Variants in CYYR1 observed in about 807,000 individuals in gnomAD.
CYYR1 encodes cysteine and tyrosine rich 1.
CYYR1 carries 14 observed loss-of-function variants against 15.2 expected under a neutral mutation model. The observed-to-expected ratio is 0.92, with a 90% CI of 0.61 to 1.44. CYYR1 has a LOEUF of 1.44. Among genes scored for constraint, CYYR1 ranks in the 40% most tolerant of loss-of-function variants. The pLI, the probability that CYYR1 is intolerant of heterozygous loss-of-function variation, is 0.00. For missense variants in CYYR1, 228 were observed against 209.5 expected, an observed-to-expected ratio of 1.09 and a Z score of -0.54; for synonymous variants, 80 against 77.4, an observed-to-expected ratio of 1.03 and a Z score of -0.18.
intron 2 of CYYR1, among the ~76,000 whole-genome samples, chr21:26,555,043 C>T (rs1041621312): frequency 4.4e-4 from 67 of 152,246 alleles, no homozygotes; most frequent in African/African-American, 1.3e-3. Flanking sequence ...AACTGAGGCT[C>T]GGTGATATTA....
At chr21:26,478,221 TA>T (rs2065128034) in intron 3 of CYYR1, 2 of 1,503,906 alleles carry the variant, frequency 1.3e-6, no homozygotes, top group Non-Finnish European at 1.8e-6. Context: ...GCACTCTGGA[TA>T]AAAAGCAGAG....
Position 26,531,304 on chromosome 21 carries a change from C to T in CYYR1, c.176+34962G>A, listed in dbSNP as rs139821058. Among the ~76,000 whole-genome samples the T allele has an allele frequency of 1.1e-3, 168 of 152,164 alleles. 1 individual carries two copies. Among genetic ancestry groups the T allele is most frequent in the African/African-American group, 3.6e-3 (148 of 41,520 alleles). The stretch of plus-strand genomic sequence containing the variant: ...TCCTTGACAACCGTTCTTCTCATCC[C>T]GCGGCTGAAATTCCCATAAAAATAA... On this transcript the variant is annotated intron_variant, in intron 2 of 3. Transcript: ENST00000652641.
At chr21:26,497,048 G>T (rs2065414352) in intron 2 of CYYR1, among the ~76,000 whole-genome samples, 1 of 152,022 alleles carries the variant, frequency 6.6e-6, no homozygotes, top group South Asian at 2.1e-4. Context: ...ATTTAAAAAG[G>T]TTACCAAACA....
At chr21:26,511,036 A>C (rs774566461) in intron 2 of CYYR1, among the ~76,000 whole-genome samples, 1 of 152,340 alleles carries the variant, frequency 6.6e-6, no homozygotes, top group Non-Finnish European at 1.5e-5. Context: ...TGCCAAATGA[A>C]CACATTATCC....
At chr21:26,527,707 T>G (rs2065884687) in intron 2 of CYYR1, among the ~76,000 whole-genome samples, 1 of 152,202 alleles carries the variant, frequency 6.6e-6, no homozygotes, top group Non-Finnish European at 1.5e-5. Context: ...TGCTATTGTA[T>G]AAAGAGTACT....
In CYYR1 at chr21:26,486,543, C is replaced by G. The variant is rs114958474; in HGVS notation, c.177-6114G>C. 5.5e-3 allele frequency among the ~76,000 whole-genome samples: 841 copies of G among 152,186 alleles called. 9 individuals carry two copies. The highest frequency in any genetic ancestry group is 0.024 in the Middle Eastern group (7 of 294). On this transcript the variant is annotated intron_variant, in intron 2 of 3. Coordinates refer to ENST00000652641, the MANE Select transcript of CYYR1 (RefSeq NM_001320768.2). Reference sequence around the variant, plus strand: ...TTTATTAAAAGCATTCCTCATCCCCCCATCGCATTGCTTTTGCACCTTTGT... The same window carrying G: ...TTTATTAAAAGCATTCCTCATCCCCGCATCGCATTGCTTTTGCACCTTTGT...
chr21:26,554,605 T>G (rs1401528368), intron 2 of CYYR1, among the ~76,000 whole-genome samples: 4 of 152,018 alleles, frequency 2.6e-5, no homozygotes, highest in Non-Finnish European at 5.9e-5. Context: ...CCGAGAGTGC[T>G]CTCCTGGGGA....
At chr21:26,469,362 G>C (rs765496200) in intron 3 of CYYR1, among the ~76,000 whole-genome samples, 6 of 152,080 alleles carry the variant, frequency 3.9e-5, no homozygotes, top group Non-Finnish European at 8.8e-5. Context: ...GACAAAAAAG[G>C]AGGACAAGTA....
chr21:26,569,647 G>A (rs1980885216), intron 1 of CYYR1, among the ~76,000 whole-genome samples: 1 of 152,206 alleles, frequency 6.6e-6, no homozygotes, highest in Admixed American at 6.5e-5. Context: ...GATTGTGAGA[G>A]AGCTAATGTC....
chr21:26,539,238 T>C (rs1176548256), intron 2 of CYYR1, among the ~76,000 whole-genome samples: 1 of 152,144 alleles, frequency 6.6e-6, no homozygotes, highest in Non-Finnish European at 1.5e-5. Context: ...TCTGGGTGAA[T>C]GGATTTTTCT....
chr21:26,538,257 A>G (rs222946), intron 2 of CYYR1, among the ~76,000 whole-genome samples: 2,274 of 152,318 alleles, frequency 0.015, 34 homozygotes, highest in South Asian at 0.087. Flanking sequence ...AGTATTTACT[A>G]AGAGGTGGTA....
intron 2 of CYYR1, among the ~76,000 whole-genome samples, chr21:26,543,489 T>C (rs1978719873): frequency 6.6e-6 from 1 of 152,214 alleles, no homozygotes; most frequent in African/African-American, 2.4e-5. Context: ...CACCCACATG[T>C]CAGGGGCCTG....
chr21:26,480,266 G>A lies in CYYR1; in HGVS notation c.334+6C>T. The A allele has an allele frequency of 1.2e-6, 2 of 1,602,894 alleles. No homozygotes were observed. Among genetic ancestry groups the A allele is most frequent in the South Asian group, 1.1e-5 (1 of 89,022 alleles). ...TGAGCCTTCGAGAGTCAACAGTTTT[G>A]CTCACCAGGATAGGAGGAGACGGTG... On this transcript the variant is annotated splice_donor_region_variant and intron_variant, in intron 3 of 3. Coordinates refer to ENST00000652641, the MANE Select transcript of CYYR1 (RefSeq NM_001320768.2).
chr21:26,489,984 C>T (rs1336699066), intron 2 of CYYR1, among the ~76,000 whole-genome samples: 2 of 152,022 alleles, frequency 1.3e-5, no homozygotes, highest in Non-Finnish European at 2.9e-5. Flanking sequence ...CACTAGATAG[C>T]GACATTCACG....
At chr21:26,475,549 C>T in intron 3 of CYYR1, among the ~76,000 whole-genome samples, 1 of 152,028 alleles carries the variant, frequency 6.6e-6, no homozygotes, top group East Asian at 1.9e-4. Context: ...TTATGTTTAC[C>T]ATCAGTGTAC....
At chr21:26,544,122 T>C (rs938474976) in intron 2 of CYYR1, among the ~76,000 whole-genome samples, 1 of 152,158 alleles carries the variant, frequency 6.6e-6, no homozygotes, top group Non-Finnish European at 1.5e-5. Flanking sequence ...AGAATTTTAA[T>C]GGCGATATTT....
chr21:26,546,217 T>G (rs1569169545), intron 2 of CYYR1, among the ~76,000 whole-genome samples: 1 of 152,242 alleles, frequency 6.6e-6, no homozygotes, highest in Non-Finnish European at 1.5e-5. Context: ...TATTTAGAAT[T>G]GTTAGCAAAT....
chr21:26,501,936 C>T (rs1235129873), intron 2 of CYYR1, among the ~76,000 whole-genome samples: 1 of 152,124 alleles, frequency 6.6e-6, no homozygotes, highest in African/African-American at 2.4e-5. Flanking sequence ...ACCAAAGGAT[C>T]TTGGCTTGCT....
intron 2 of CYYR1, among the ~76,000 whole-genome samples, chr21:26,561,313 GTTT>G (rs11358960): frequency 7.0e-6 from 1 of 143,190 alleles, no homozygotes; most frequent in African/African-American, 2.5e-5. Context: ...AATTTAAATG[GTTT>G]TTTTTTTTTT....
Sources: allele counts gnomAD v4.1 joint callset (sites outside exome capture counted in the v4.1 genomes callset), GRCh38; gene constraint gnomAD v4.1.1; transcripts MANE v1.5; gene names NCBI Gene and HGNC (gene_info 2026-07-23, HGNC 2026-07-21).